Variants in SLC27A6 observed in about 807,000 individuals in gnomAD.
The protein encoded by SLC27A6 is solute carrier family 27 member 6.
SLC27A6 carries 74 observed loss-of-function variants against 63.9 expected under a neutral mutation model. The ratio of observed to expected loss-of-function variants is 1.16; its 90% confidence interval spans 0.96 to 1.40. SLC27A6 has a LOEUF of 1.40. Ranked by LOEUF, SLC27A6 falls within the 40% of genes most tolerant of loss-of-function variation. The pLI, the probability that SLC27A6 is intolerant of heterozygous loss-of-function variation, is 0.00. For missense variants in SLC27A6, 794 were observed against 732.9 expected, an observed-to-expected ratio of 1.08 and a Z score of -0.96; for synonymous variants, 287 against 260.8, an observed-to-expected ratio of 1.10 and a Z score of -0.97.
chr5:129,006,233 C>T (rs991239163), intron 4 of SLC27A6, among the ~76,000 whole-genome samples: 2 of 151,574 alleles, frequency 1.3e-5, no homozygotes, highest in African/African-American at 2.4e-5. Flanking sequence ...CGCCAGCCGC[C>T]GCGCCAGCTG....
At chr5:129,008,293 C>T (rs939521799) in intron 4 of SLC27A6, among the ~76,000 whole-genome samples, 4 of 152,044 alleles carry the variant, frequency 2.6e-5, no homozygotes, top group African/African-American at 9.7e-5. Flanking sequence ...TATTTTGGGA[C>T]AAAAGTCTTG....
intron 4 of SLC27A6, among the ~76,000 whole-genome samples, chr5:128,994,699 G>A (rs188721989): frequency 1.4e-4 from 21 of 152,274 alleles, no homozygotes; most frequent in Admixed American, 1.0e-3. Context: ...TTTTAAAATA[G>A]ATTCAGATTT....
At chr5:128,969,438 C>T (rs1358788485) in intron 1 of SLC27A6, among the ~76,000 whole-genome samples, 4 of 152,126 alleles carry the variant, frequency 2.6e-5, no homozygotes, top group African/African-American at 7.2e-5. Context: ...CTTTTTATTT[C>T]GTTGAGCAGT....
At chr5:128,992,490 G>A (rs992515132) in intron 4 of SLC27A6, among the ~76,000 whole-genome samples, 2 of 152,234 alleles carry the variant, frequency 1.3e-5, no homozygotes, top group East Asian at 1.9e-4. Flanking sequence ...CCACCTCCCT[G>A]TGGCAGAAGC....
At chr5:129,014,371 G>T (rs1332613385) in intron 4 of SLC27A6, among the ~76,000 whole-genome samples, 1 of 152,154 alleles carries the variant, frequency 6.6e-6, no homozygotes, top group Non-Finnish European at 1.5e-5. Context: ...AAGTTTCATT[G>T]GTGATGGCAG....
At chr5:128,991,666 T>A (rs988512914) in intron 4 of SLC27A6, among the ~76,000 whole-genome samples, 3 of 152,134 alleles carry the variant, frequency 2.0e-5, no homozygotes, top group Non-Finnish European at 2.9e-5. Context: ...TTATTTTCTA[T>A]TTTTTCTTTT....
At chr5:128,974,092 C>T (rs67198161) in intron 1 of SLC27A6, among the ~76,000 whole-genome samples, 36,080 of 152,094 alleles carry the variant, frequency 0.24, 4,888 homozygotes, top group Middle Eastern at 0.33. Flanking sequence ...ATTCCAAAGC[C>T]GGTTTCCTGA....
chr5:129,016,338 G>T (rs371915677), intron 5 of SLC27A6, among the ~76,000 whole-genome samples: 14 of 142,140 alleles, frequency 9.8e-5, no homozygotes, highest in East Asian at 7.1e-4. Context: ...GGAGCTTGCA[G>T]TGAGCAGAGA....
chr5:128,987,574 T>C (rs551258823), intron 2 of SLC27A6, among the ~76,000 whole-genome samples: 1 of 152,106 alleles, frequency 6.6e-6, no homozygotes, highest in African/African-American at 2.4e-5. Context: ...ATTGTTAATA[T>C]TCTGAAAGAT....
At chr5:128,974,726 G>A (rs1750318723) in intron 1 of SLC27A6, among the ~76,000 whole-genome samples, 1 of 152,122 alleles carries the variant, frequency 6.6e-6, no homozygotes, top group East Asian at 1.9e-4. Context: ...TTCCATGTAT[G>A]GTCTGCCACT....
At chr5:128,983,277 A>G (rs1750671454) in intron 1 of SLC27A6, among the ~76,000 whole-genome samples, 1 of 144,950 alleles carries the variant, frequency 6.9e-6, no homozygotes, top group African/African-American at 2.5e-5. Context: ...GAACTTGAGC[A>G]TTCTGATCCG....
intron 4 of SLC27A6, among the ~76,000 whole-genome samples, chr5:129,004,461 CTCTCTCTG>C (rs1364762531): frequency 6.6e-6 from 1 of 152,092 alleles, no homozygotes; most frequent in Non-Finnish European, 1.5e-5. Context: ...GTCTTTCACG[CTCTCTCTG>C]TCTCTTTGTC....
chr5:128,989,510 A>G (rs1750902166), intron 3 of SLC27A6, among the ~76,000 whole-genome samples: 2 of 152,232 alleles, frequency 1.3e-5, no homozygotes, highest in Admixed American at 6.5e-5. Flanking sequence ...ATGAGATATT[A>G]AAAGACATTA....
At chr5:128,981,166 T>C (rs1479823681) in intron 1 of SLC27A6, among the ~76,000 whole-genome samples, 1 of 152,108 alleles carries the variant, frequency 6.6e-6, no homozygotes, top group East Asian at 1.9e-4. Context: ...CAATGTAGAC[T>C]TTGTTAAAGG....
chr5:128,970,296 C>T (rs534831886), intron 1 of SLC27A6, among the ~76,000 whole-genome samples: 4 of 152,280 alleles, frequency 2.6e-5, no homozygotes, highest in African/African-American at 9.6e-5. Flanking sequence ...GGAGGATTCC[C>T]TCTTTTTCTA....
chr5:129,021,974 CA>C (rs941782397), intron 5 of SLC27A6, among the ~76,000 whole-genome samples: 4 of 152,084 alleles, frequency 2.6e-5, no homozygotes, highest in Non-Finnish European at 4.4e-5. Context: ...GCAAATTTTC[CA>C]AAAAACAAAG....
intron 4 of SLC27A6, among the ~76,000 whole-genome samples, chr5:128,996,962 T>C (rs1442260771): frequency 1.3e-5 from 2 of 152,272 alleles, no homozygotes; most frequent in Non-Finnish European, 1.5e-5. Flanking sequence ...GTGCATTCTA[T>C]TTATTCTTTT....
At chr5:129,031,675 G>A (rs1335239488) in intron 9 of SLC27A6, among the ~76,000 whole-genome samples, 1 of 151,876 alleles carries the variant, frequency 6.6e-6, no homozygotes, top group Non-Finnish European at 1.5e-5. Flanking sequence ...TAAGGGCAAA[G>A]TTAATTAAAA....
intron 4 of SLC27A6, among the ~76,000 whole-genome samples, chr5:129,011,091 T>C (rs1292962449): frequency 1.3e-5 from 2 of 152,240 alleles, no homozygotes. Context: ...TGAGACTTAA[T>C]ATGATTAATG....
Sources: allele counts gnomAD v4.1 joint callset (sites outside exome capture counted in the v4.1 genomes callset), GRCh38; gene constraint gnomAD v4.1.1; transcripts MANE v1.5; gene names NCBI Gene and HGNC (gene_info 2026-07-23, HGNC 2026-07-21).